Variants in DNA2 observed in about 807,000 individuals in gnomAD.
DNA2 encodes the protein DNA replication helicase/nuclease 2.
Under a neutral mutation model 119.1 loss-of-function variants are expected in DNA2, and 101 were observed. The ratio of observed to expected loss-of-function variants is 0.85; its 90% confidence interval spans 0.72 to 1.00. DNA2 has a LOEUF of 1.00. Among genes scored for constraint, DNA2 ranks in the 50% least tolerant of loss-of-function variants. The pLI is 0.00. For synonymous variants in DNA2, 366 were observed against 424.4 expected (o/e 0.86, Z 1.69); for missense variants, 1,121 against 1,255.5 (o/e 0.89, Z 1.62).
At chr10:68,472,208 C>T, upstream of DNA2, 1 of 1,240,916 alleles carries the variant, frequency 8.1e-7, no homozygotes, top group South Asian at 1.6e-5. Flanking sequence ...CATTCTCCTG[C>T]TTCAGCCTCC....
intron 10 of DNA2, among the ~76,000 whole-genome samples, chr10:68,435,758 T>C (rs547698949): frequency 6.6e-6 from 1 of 152,278 alleles, no homozygotes; most frequent in South Asian, 2.1e-4. Context: ...CCCGCCTATA[T>C]ATTTTTATTT....
chr10:68,418,587 G>A (rs977271714), intron 19 of DNA2, among the ~76,000 whole-genome samples: 11 of 149,880 alleles, frequency 7.3e-5, no homozygotes, highest in Admixed American at 2.0e-4. Context: ...CCAGGTTCCC[G>A]CCCCTCACCC....
Position 68,468,316 on chromosome 10 carries a change from A to C in DNA2, c.258-10T>G. On this transcript the variant is annotated splice_polypyrimidine_tract_variant and intron_variant, in intron 2 of 20. Coordinates refer to ENST00000358410, the MANE Select transcript of DNA2 (RefSeq NM_001080449.3). ...TACTGGAACAGAACACCTGAAAATA[A>C]AGCAAAGTTAAAGTATAAATACATA... 1 of 1,523,788 alleles carries C rather than the reference A, an allele frequency of 6.6e-7. No individual in the cohort carries two copies. The highest frequency in any genetic ancestry group is 1.4e-5 in the South Asian group (1 of 70,896). 94.4% of individuals were successfully genotyped at this position (1,523,788 alleles called of 1,614,324 possible).
intron 6 of DNA2, among the ~76,000 whole-genome samples, chr10:68,447,981 C>A (rs1329904585): frequency 2.8e-3 from 389 of 140,768 alleles, no homozygotes; most frequent in Middle Eastern, 3.7e-3. Context: ...GACTCCGTCT[C>A]AAAAAAAAAA....
intron 14 of DNA2, among the ~76,000 whole-genome samples, chr10:68,428,070 G>A (rs1164388835): frequency 1.3e-5 from 2 of 151,118 alleles, no homozygotes; most frequent in East Asian, 3.9e-4. Context: ...GCTCACGCCT[G>A]TAATCCCAAC....
intron 4 of DNA2, among the ~76,000 whole-genome samples, chr10:68,460,064 C>CACACA (rs1372986285): frequency 1.3e-4 from 19 of 146,596 alleles, no homozygotes; most frequent in Non-Finnish European, 9.2e-5. Context: ...CACACACATA[C>CACACA]AAGTTAACAT....
chr10:68,446,733 A>T (rs556092730), intron 6 of DNA2, among the ~76,000 whole-genome samples: 2 of 143,744 alleles, frequency 1.4e-5, no homozygotes, highest in South Asian at 4.2e-4. Flanking sequence ...AAGCAAAAAA[A>T]GCCAGACACA....
chr10:68,452,259 A>G (rs911802006), intron 5 of DNA2, among the ~76,000 whole-genome samples: 1 of 151,678 alleles, frequency 6.6e-6, no homozygotes, highest in African/African-American at 2.4e-5. Flanking sequence ...ATTATTTTCA[A>G]ATTTGCAGAG....
chr10:68,461,453 A>C (rs1031295563), intron 4 of DNA2: 3 of 152,126 alleles, frequency 2.0e-5, no homozygotes, highest in Non-Finnish European at 4.4e-5. Flanking sequence ...ATCTTATCTC[A>C]GAAGCTAAGC....
At chr10:68,465,315 C>T (rs549842299) in intron 4 of DNA2, among the ~76,000 whole-genome samples, 29 of 152,224 alleles carry the variant, frequency 1.9e-4, no homozygotes, top group Admixed American at 8.5e-4. Flanking sequence ...CCGCACCTGG[C>T]CGTAAAGATG....
At chr10:68,431,054 T>C (rs1313817713) in intron 13 of DNA2, among the ~76,000 whole-genome samples, 1 of 151,958 alleles carries the variant, frequency 6.6e-6, no homozygotes, top group Non-Finnish European at 1.5e-5. Flanking sequence ...GAACGAGGAC[T>C]GTTTCAGCCC....
At position 68,427,474 on chromosome 10, in the gene DNA2, G is replaced by A. The variant is rs188004249; in HGVS notation, c.2208+2962C>T. Among the ~76,000 whole-genome samples, 488 of 152,004 alleles carry A rather than the reference G, an allele frequency of 3.2e-3. 10 individuals are homozygous for A. The highest frequency in any genetic ancestry group is 0.029 in the Admixed American group (438 of 15,234). On this transcript the variant is annotated intron_variant, in intron 14 of 20. Coordinates refer to ENST00000358410, the MANE Select transcript of DNA2 (RefSeq NM_001080449.3). The stretch of plus-strand genomic sequence containing the variant: ...AACCCAAGAGTTCAAGACCAGCCTG[G>A]ACAACATAAAAAAATTGAAAATATT...
intron 4 of DNA2, among the ~76,000 whole-genome samples, chr10:68,462,247 C>T (rs1349925194): frequency 6.6e-6 from 1 of 152,030 alleles, no homozygotes; most frequent in Non-Finnish European, 1.5e-5. Context: ...TGGCAGGCAC[C>T]TGTAATCCCA....
At chr10:68,437,296 T>C in intron 9 of DNA2, 55 bp from the exon 10 acceptor site, 3 of 1,389,390 alleles carry the variant, frequency 2.2e-6, no homozygotes, top group Non-Finnish European at 3.0e-6. Context: ...ACGTAAGTAT[T>C]GTGTCTGCAT....
chr10:68,462,748 A>C (rs1564897006), intron 4 of DNA2, among the ~76,000 whole-genome samples: 1 of 152,202 alleles, frequency 6.6e-6, no homozygotes, highest in Non-Finnish European at 1.5e-5. Context: ...CCTCATCTGT[A>C]AGGAGGAGAT....
At chr10:68,435,102 G>T (rs1020347734) in intron 10 of DNA2, among the ~76,000 whole-genome samples, 2 of 151,834 alleles carry the variant, frequency 1.3e-5, no homozygotes, top group African/African-American at 4.8e-5. Context: ...CAGGCTACAT[G>T]CAGTGCAGAG....
chr10:68,441,637 G>A (rs560574034), intron 9 of DNA2, among the ~76,000 whole-genome samples: 73 of 152,092 alleles, frequency 4.8e-4, no homozygotes, highest in Middle Eastern at 3.4e-3. Context: ...TTAGCTGGGC[G>A]CAGTGGCAGG....
At chr10:68,439,376 A>G (rs10998168) in intron 9 of DNA2, among the ~76,000 whole-genome samples, 5,934 of 152,080 alleles carry the variant, frequency 0.039, 133 homozygotes, top group Non-Finnish European at 0.048. Context: ...CCTGGGGAAC[A>G]TGAGCAAAAC....
chr10:68,416,949 AAGAAT>A, intron 19 of DNA2, 94 bp from the exon 20 acceptor site: 3 of 1,155,616 alleles, frequency 2.6e-6, no homozygotes, highest in South Asian at 3.3e-5. Flanking sequence ...GTGCAAATTT[AAGAAT>A]AGAATGAGGC....
Sources: gnomAD v4.1 joint callset for allele counts (sites outside exome capture counted in the v4.1 genomes callset) on GRCh38, gnomAD v4.1.1 for gene constraint, MANE v1.5 for transcripts, NCBI Gene and HGNC (gene_info 2026-07-23, HGNC 2026-07-21) for gene names.